ABLIM1: variants seen among roughly 807,000 people sequenced by gnomAD.
ABLIM1 encodes actin binding LIM protein 1.
A neutral mutation model predicts 107.0 loss-of-function variants in ABLIM1; 40 were observed. That is an observed-to-expected ratio of 0.37 (90% CI 0.29 to 0.49). The LOEUF (loss-of-function observed/expected upper bound fraction) is 0.49. Among genes scored for constraint, ABLIM1 ranks in the 20% least tolerant of loss-of-function variants. The probability of loss-of-function intolerance (pLI) is 0.97; values close to 1 mark genes in which losing one functional copy is unlikely to be tolerated. For missense variants in ABLIM1, 857 were observed against 1,008.5 expected (o/e 0.85, Z 2.04); for synonymous variants, 357 against 357.3 (o/e 1.00, Z 0.01).
intron 6 of ABLIM1, among the ~76,000 whole-genome samples, chr10:114,534,441 T>C (rs1590986286): frequency 6.7e-6 from 1 of 148,902 alleles, no homozygotes; most frequent in Non-Finnish European, 1.5e-5. Flanking sequence ...TCAACTGCCA[T>C]ATGCCCTGGG....
At chr10:114,677,279 A>G (rs1055730168) in intron 1 of ABLIM1, among the ~76,000 whole-genome samples, 1 of 152,216 alleles carries the variant, frequency 6.6e-6, no homozygotes, top group Non-Finnish European at 1.5e-5. Flanking sequence ...ATGAAATAAA[A>G]CAATCCCCCT....
At position 114,453,440 on chromosome 10, in the gene ABLIM1, C is replaced by A; in HGVS notation, c.1485G>T (p.Arg495=). The A allele has an allele frequency of 6.2e-7, 1 of 1,612,752 alleles. No individual in the cohort carries two copies. The highest frequency in any genetic ancestry group is 8.5e-7 in the Non-Finnish European group (1 of 1,179,208). Residue 495 remains arginine (R), a synonymous_variant, in exon 13 of 23, where the codon CGG becomes CGT. Coordinates refer to ENST00000533213, the MANE Select transcript of ABLIM1 (RefSeq NM_002313.7). ...TTGGAGTTAGAGGGCGGCTGTCTGGCCGGTAAGGGAGAGGGGAGTTCCGGC... is the reference window on the plus strand; with the variant it reads ...TTGGAGTTAGAGGGCGGCTGTCTGGACGGTAAGGGAGAGGGGAGTTCCGGC... ...SSGRNSPLPY[R]PDSRPLTPTY...
intron 4 of ABLIM1, among the ~76,000 whole-genome samples, chr10:114,565,344 C>T (rs891667760): frequency 6.6e-6 from 1 of 152,210 alleles, no homozygotes; most frequent in Non-Finnish European, 1.5e-5. Context: ...CTGTCATGAC[C>T]AGCAGAGTGA....
chr10:114,528,131 C>T (rs1346632305), intron 6 of ABLIM1, among the ~76,000 whole-genome samples: 8 of 152,048 alleles, frequency 5.3e-5, no homozygotes, highest in African/African-American at 1.7e-4. Flanking sequence ...CCACTGCGCC[C>T]GGCAATTTTT....
chr10:114,794,026 T>A, the ABLIM1 span, among the ~76,000 whole-genome samples: 1 of 152,144 alleles, frequency 6.6e-6, no homozygotes, highest in Non-Finnish European at 1.5e-5. Context: ...TTCCTTTCCA[T>A]CTCCTGTAGG....
intron 1 of ABLIM1, among the ~76,000 whole-genome samples, chr10:114,762,269 G>A (rs1265121523): frequency 6.6e-6 from 1 of 152,002 alleles, no homozygotes; most frequent in African/African-American, 2.4e-5. Context: ...TCCTGACCTT[G>A]TGATCCACCT....
intron 6 of ABLIM1, among the ~76,000 whole-genome samples, chr10:114,532,602 T>A (rs967845145): frequency 3.9e-5 from 6 of 152,198 alleles, no homozygotes; most frequent in African/African-American, 1.4e-4. Flanking sequence ...TGGGGAAAAT[T>A]TCATATCCTT....
At chr10:114,697,050 T>G (rs995748489) in intron 1 of ABLIM1, among the ~76,000 whole-genome samples, 2 of 152,146 alleles carry the variant, frequency 1.3e-5, no homozygotes, top group African/African-American at 4.8e-5. Context: ...CACAGTAATC[T>G]GAATCTCTCG....
upstream of ABLIM1, among the ~76,000 whole-genome samples, chr10:114,689,724 T>C (rs370445827): frequency 2.0e-4 from 30 of 152,066 alleles, no homozygotes; most frequent in South Asian, 4.0e-3. Context: ...CTTTTTTTTT[T>C]CTCTTTATGA....
intron 12 of ABLIM1, among the ~76,000 whole-genome samples, chr10:114,456,944 A>AAC (rs1235347923): frequency 1.3e-5 from 2 of 151,858 alleles, no homozygotes; most frequent in African/African-American, 4.8e-5. Context: ...TAAAAAAAAA[A>AAC]AAAAAACACT....
rs144713810 is a variant in ABLIM1, at chr10:114,605,019, G to A, written c.245-3058C>T. On this transcript the variant is annotated intron_variant, in intron 1 of 22. Coordinates refer to ENST00000533213, the MANE Select transcript of ABLIM1 (RefSeq NM_002313.7). ...TACATTACACCACAAAGTCCCCCATGCCCAGAGATGACTTGCTTTGCCTTC... is the reference window on the plus strand; with the variant it reads ...TACATTACACCACAAAGTCCCCCATACCCAGAGATGACTTGCTTTGCCTTC... 2.0e-4 allele frequency among the ~76,000 whole-genome samples: 31 copies of A among 152,278 alleles called. No homozygotes were observed. In the East Asian group the frequency reaches 5.6e-3, roughly 28 times the overall value.
chr10:114,706,634 T>C (rs1419236826), intron 1 of ABLIM1, among the ~76,000 whole-genome samples: 1 of 152,184 alleles, frequency 6.6e-6, no homozygotes, highest in Non-Finnish European at 1.5e-5. Context: ...ACCAATGTAA[T>C]GAAGCCTGAG....
chr10:114,491,831 G>A lies in ABLIM1; in HGVS notation c.942C>T (p.Cys314=). The change falls in exon 7 of 23, where the codon TGC becomes TGT. Residue 314 remains cysteine, a synonymous_variant. Coordinates refer to ENST00000533213, the MANE Select transcript of ABLIM1 (RefSeq NM_002313.7). ...CCTCTCCTTCTGTGAACATCTGGTT[G>A]CATCTGCTGCATCGTGCACAGCTGG... is the stretch of plus-strand genomic sequence containing the variant. ...YHPSCARCSR[C]NQMFTEGEEM... 1 of 1,612,440 alleles carries A rather than the reference G, an allele frequency of 6.2e-7. No individual in the cohort carries two copies. Among genetic ancestry groups the A allele is most frequent in the Non-Finnish European group, 8.5e-7 (1 of 1,178,680 alleles).
intron 4 of ABLIM1, among the ~76,000 whole-genome samples, chr10:114,555,189 C>G (rs2068570771): frequency 6.6e-6 from 1 of 152,180 alleles, no homozygotes; most frequent in Non-Finnish European, 1.5e-5. Context: ...AGAAAATTAA[C>G]ATCTTGTGTT....
chr10:114,653,506 T>G (rs1382548807), intron 1 of ABLIM1, among the ~76,000 whole-genome samples: 1 of 152,168 alleles, frequency 6.6e-6, no homozygotes, highest in South Asian at 2.1e-4. Context: ...TTCTCACCAC[T>G]GCACTCCAGC....
intron 21 of ABLIM1, among the ~76,000 whole-genome samples, chr10:114,438,726 G>A (rs2059771776): frequency 6.6e-6 from 1 of 152,214 alleles, no homozygotes; most frequent in African/African-American, 2.4e-5. Context: ...GGTCACCAGG[G>A]AGCATGAGCC....
intron 1 of ABLIM1, among the ~76,000 whole-genome samples, chr10:114,710,479 G>A (rs745926862): frequency 6.6e-5 from 10 of 152,092 alleles, no homozygotes; most frequent in Non-Finnish European, 1.3e-4. Flanking sequence ...TCACTACCAC[G>A]AGAACAGTAT....
chr10:114,687,419 C>A (rs904715020), upstream of ABLIM1, among the ~76,000 whole-genome samples: 4 of 152,174 alleles, frequency 2.6e-5, no homozygotes, highest in South Asian at 6.2e-4. Flanking sequence ...TTGCCCAAGG[C>A]CAGCAGAGGA....
At chr10:114,643,992 A>G (rs9421196) in intron 1 of ABLIM1, among the ~76,000 whole-genome samples, 3,222 of 150,698 alleles carry the variant, frequency 0.021, 100 homozygotes, top group African/African-American at 0.074. Flanking sequence ...AAAAAATACC[A>G]TGGTTCTGGC....
Sources: gnomAD v4.1 joint callset for allele counts (sites outside exome capture counted in the v4.1 genomes callset) on GRCh38, gnomAD v4.1.1 for gene constraint, MANE v1.5 for transcripts, NCBI Gene and HGNC (gene_info 2026-07-23, HGNC 2026-07-21) for gene names.